GSTO1: variants seen among roughly 807,000 people sequenced by gnomAD.
GSTO1 encodes the protein glutathione S-transferase omega 1, also known as glutathione S-transferase omega-1.
GSTO1 carries 27 observed loss-of-function variants against 23.8 expected under a neutral mutation model. That is an observed-to-expected ratio of 1.13 (90% CI 0.83 to 1.56). The LOEUF (loss-of-function observed/expected upper bound fraction) is 1.56. Ranked by LOEUF, GSTO1 falls within the 40% of genes most tolerant of loss-of-function variation. The probability of loss-of-function intolerance (pLI) is 0.00; values close to 1 mark genes in which losing one functional copy is unlikely to be tolerated. For synonymous variants in GSTO1, 105 were observed against 109.3 expected, an observed-to-expected ratio of 0.96 and a Z score of 0.25; for missense variants, 255 against 285.8, an observed-to-expected ratio of 0.89 and a Z score of 0.78.
At chr10:104,265,907 C>T (rs1388698338) in intron 4 of GSTO1, among the ~76,000 whole-genome samples, 177 bp from the exon 5 acceptor site, 2 of 152,114 alleles carry the variant, frequency 1.3e-5, no homozygotes, top group African/African-American at 4.8e-5. Flanking sequence ...TTTACTTCAT[C>T]CCAGACCAAC....
chr10:104,259,865 C>T (rs1298357849), intron 3 of GSTO1, 67 bp downstream of exon 3: 1 of 992,228 alleles, frequency 1.0e-6, no homozygotes, highest in East Asian at 2.4e-5. Flanking sequence ...TCAGTGCTGC[C>T]ATTTATGGTT....
At chr10:104,258,762 C>G (rs890822232) in intron 2 of GSTO1, among the ~76,000 whole-genome samples, 1 of 152,044 alleles carries the variant, frequency 6.6e-6, no homozygotes, top group Non-Finnish European at 1.5e-5. Flanking sequence ...GTAGGAGGAT[C>G]GCTTTAGCCC....
intron 2 of GSTO1, 120 bp downstream of exon 2, chr10:104,255,391 T>C: frequency 3.1e-6 from 2 of 650,382 alleles, no homozygotes; most frequent in Non-Finnish European, 5.5e-6. Context: ...TACTGCACAT[T>C]AAACTATTCT....
At chr10:104,265,468 TA>T (rs112708742) in intron 4 of GSTO1, among the ~76,000 whole-genome samples, 11,174 of 150,190 alleles carry the variant, frequency 0.074, 1,367 homozygotes, top group African/African-American at 0.26. Flanking sequence ...AACATTCACA[TA>T]ACATATCTTT....
chr10:104,262,390 T>C (rs578257074), intron 3 of GSTO1, among the ~76,000 whole-genome samples: 7 of 152,244 alleles, frequency 4.6e-5, no homozygotes, highest in Non-Finnish European at 1.0e-4. Context: ...TCCCAATAAT[T>C]CTATGAGCCA....
chr10:104,265,176 G>A (rs7077635), intron 4 of GSTO1, among the ~76,000 whole-genome samples: 11,237 of 152,176 alleles, frequency 0.074, 1,389 homozygotes, highest in African/African-American at 0.26. Context: ...AACACAACAC[G>A]TTTTCACAAA....
chr10:104,255,154 C>T lies in GSTO1; in HGVS notation c.35-9C>T. 2 of 1,605,582 alleles carry T rather than the reference C, an allele frequency of 1.2e-6. No homozygotes were observed. Among genetic ancestry groups the T allele is most frequent in the Non-Finnish European group, 1.7e-6 (2 of 1,172,588 alleles). ...CTGGGCCGTAATCGCCTTCGCTTCT[C>T]CCCGGCAGGAAGCGCGCCCCCGGGG... is the stretch of plus-strand genomic sequence containing the variant. On this transcript the variant is annotated splice_polypyrimidine_tract_variant and intron_variant, in intron 1 of 5. Coordinates refer to ENST00000369713, the MANE Select transcript of GSTO1 (RefSeq NM_004832.3).
chr10:104,266,143 C>A lies in GSTO1; in HGVS notation c.525C>A (p.Tyr175Ter). 1 of 1,610,960 alleles carries A rather than the reference C, an allele frequency of 6.2e-7. No homozygotes were observed. The highest frequency in any genetic ancestry group is 8.5e-7 in the Non-Finnish European group (1 of 1,177,200). ...GCAATTCTATCTCTATGATTGATTA[C>A]CTCATCTGGCCCTGGTTTGAACGGC... ...FGGNSISMID[Y>*]LIWPWFERLE... The change falls in exon 5 of 6, where the codon TAC becomes TAA. Residue 175 changes from tyrosine to a stop codon, truncating the protein, a stop_gained. Coordinates refer to ENST00000369713, the MANE Select transcript of GSTO1 (RefSeq NM_004832.3). LOFTEE classifies it low-confidence loss of function (END_TRUNC).
At chr10:104,255,428 A>G (rs1342935603) in intron 2 of GSTO1, among the ~76,000 whole-genome samples, 157 bp downstream of exon 2, 2 of 152,194 alleles carry the variant, frequency 1.3e-5, no homozygotes, top group Non-Finnish European at 1.5e-5. Context: ...AGCAAGTTAT[A>G]GGCCATTCCC....
At chr10:104,255,039 A>G in intron 1 of GSTO1, 77 bp downstream of exon 1, 2 of 1,493,300 alleles carry the variant, frequency 1.3e-6, no homozygotes, top group South Asian at 2.4e-5. Flanking sequence ...CCGGGAGCCC[A>G]GCCGCCCGGG....
At chr10:104,259,947 G>C in intron 3 of GSTO1, 149 bp downstream of exon 3, 2 of 621,948 alleles carry the variant, frequency 3.2e-6, no homozygotes, top group South Asian at 2.0e-5. Flanking sequence ...GTCCTTTCAC[G>C]ATCCAGTTCC....
intron 2 of GSTO1, among the ~76,000 whole-genome samples, chr10:104,255,510 T>G (rs1477474066): frequency 6.6e-6 from 1 of 152,258 alleles, no homozygotes; most frequent in Non-Finnish European, 1.5e-5. Context: ...TTTAATGGAT[T>G]AGAAAAGCTG....
At chr10:104,258,373 C>T (rs913530729) in intron 2 of GSTO1, among the ~76,000 whole-genome samples, 2 of 152,108 alleles carry the variant, frequency 1.3e-5, no homozygotes, top group Non-Finnish European at 2.9e-5. Flanking sequence ...GACCAGGCAA[C>T]AAGACCAAAA....
intron 1 of GSTO1, 98 bp downstream of exon 1, chr10:104,255,060 C>T (rs1028506410): frequency 5.8e-5 from 84 of 1,439,930 alleles, no homozygotes; most frequent in Non-Finnish European, 7.7e-5. Context: ...AGCGCCCCAC[C>T]GGCGGGGAAC....
At chr10:104,265,973 T>A in intron 4 of GSTO1, 111 bp from the exon 5 acceptor site, 1 of 590,470 alleles carries the variant, frequency 1.7e-6, no homozygotes, top group Admixed American at 2.5e-5. Context: ...CTTGGATACA[T>A]CGGAGTAAAA....
At chr10:104,257,177 T>C (rs1389387312) in intron 2 of GSTO1, among the ~76,000 whole-genome samples, 1 of 152,174 alleles carries the variant, frequency 6.6e-6, no homozygotes, top group Non-Finnish European at 1.5e-5. Flanking sequence ...TTAGTTCCTC[T>C]ACAGTCTCAG....
Position 104,266,274 on chromosome 10 carries a change from A to C in GSTO1, c.572+84A>C, listed in dbSNP as rs965125375. On this transcript the variant is annotated intron_variant, in intron 5 of 5. Coordinates refer to ENST00000369713, the MANE Select transcript of GSTO1 (RefSeq NM_004832.3). ...GACCTTTCTTTATAACAGAAGTTGA[A>C]ATATTTAATACAACTGGTCTGAATG... The C allele has an allele frequency of 2.4e-5, 18 of 752,276 alleles. No homozygotes were observed. In the Admixed American group the frequency reaches 2.7e-4, roughly 11 times the overall value. The allele number at this position is 752,276 out of a possible 1,614,324, so 46.6% of individuals were successfully genotyped here.
chr10:104,258,882 A>G (rs1289487392), intron 2 of GSTO1, among the ~76,000 whole-genome samples: 1 of 152,194 alleles, frequency 6.6e-6, no homozygotes, highest in Non-Finnish European at 1.5e-5. Flanking sequence ...TTCAAAGAGG[A>G]TATAAAAATG....
At chr10:104,260,328 T>C (rs2011128612) in intron 3 of GSTO1, among the ~76,000 whole-genome samples, 1 of 152,200 alleles carries the variant, frequency 6.6e-6, no homozygotes, top group Non-Finnish European at 1.5e-5. Flanking sequence ...TGCTACTTTC[T>C]TGTGACTCTG....
Sources: allele counts gnomAD v4.1 joint callset (sites outside exome capture counted in the v4.1 genomes callset), GRCh38; gene constraint gnomAD v4.1.1; transcripts MANE v1.5; gene names NCBI Gene and HGNC (gene_info 2026-07-23, HGNC 2026-07-21).